The following WIPF1 variants were observed in gnomAD, a reference collection of about 807,000 sequenced individuals.
WIPF1 encodes WAS/WASL interacting protein family member 1, also known as WAS/WASL-interacting protein family member 1.
A neutral mutation model predicts 35.4 loss-of-function variants in WIPF1; 13 were observed. The ratio of observed to expected loss-of-function variants is 0.37; its 90% CI spans 0.24 to 0.58. The LOEUF (loss-of-function observed/expected upper bound fraction) is 0.58. Ranked by LOEUF, WIPF1 falls within the 20% of genes least tolerant of loss-of-function variation. The pLI, the probability that WIPF1 is intolerant of heterozygous loss-of-function variation, is 0.74. For synonymous variants in WIPF1, 267 were observed against 266.3 expected (o/e 1.00, Z -0.02); for missense variants, 591 against 667.0 (o/e 0.89, Z 1.25).
chr2:174,653,081 G>A (rs1398096248), intron 1 of WIPF1, among the ~76,000 whole-genome samples: 1 of 152,160 alleles, frequency 6.6e-6, no homozygotes, highest in African/African-American at 2.4e-5. Context: ...GTCCTTTGGG[G>A]TGGGTATTAC....
rs931950805 is a variant in WIPF1 at position 174,597,603 on chromosome 2, T to A, written c.-41A>T. 1 of 152,584 alleles carries A rather than the reference T, an allele frequency of 6.6e-6. No individual in the cohort carries two copies. Among genetic ancestry groups the A allele is most frequent in the African/African-American group, 2.4e-5 (1 of 41,422 alleles). The allele number at this position is 152,584 out of a possible 1,614,324, so 9.5% of individuals were successfully genotyped here. ...AGTTTGAATATAATTTTTCTTACCG[T>A]TAAAGGGTACTGCAGGGAGCCATGG... On this transcript the variant is annotated splice_region_variant and 5_prime_UTR_variant, in exon 1 of 8. An upstream open reading frame in the 5' UTR loses its in-frame stop. Transcript: ENST00000679041.
chr2:174,608,561 T>A (rs1451379379), intron 1 of WIPF1, among the ~76,000 whole-genome samples: 1 of 152,158 alleles, frequency 6.6e-6, no homozygotes, highest in Non-Finnish European at 1.5e-5. Context: ...ATGCAAACAT[T>A]TCCCAGTTAC....
intron 1 of WIPF1, among the ~76,000 whole-genome samples, chr2:174,610,499 A>G (rs1343846359): frequency 6.6e-6 from 1 of 152,168 alleles, no homozygotes; most frequent in Non-Finnish European, 1.5e-5. Context: ...TAAAAACCAC[A>G]TGTGGTTTAT....
intron 7 of WIPF1, among the ~76,000 whole-genome samples, chr2:174,564,027 C>A (rs1178763450): frequency 6.6e-6 from 1 of 152,150 alleles, no homozygotes; most frequent in Non-Finnish European, 1.5e-5. Context: ...TGACCATCAA[C>A]TGACCCGCCA....
At chr2:174,629,975 A>C (rs888775711) in intron 1 of WIPF1, 3 of 152,232 alleles carry the variant, frequency 2.0e-5, no homozygotes, top group African/African-American at 7.2e-5. Flanking sequence ...CTCTATGTAT[A>C]ATACATGCAT....
At chr2:174,636,258 G>A (rs1574853818) in intron 1 of WIPF1, among the ~76,000 whole-genome samples, 1 of 151,966 alleles carries the variant, frequency 6.6e-6, no homozygotes, top group African/African-American at 2.4e-5. Context: ...CTTAAGCCGT[G>A]TTCTGTGTGG....
At chr2:174,576,150 G>A (rs756516080) in intron 3 of WIPF1, among the ~76,000 whole-genome samples, 1 of 147,230 alleles carries the variant, frequency 6.8e-6, no homozygotes, top group Non-Finnish European at 1.5e-5. Flanking sequence ...TGTAGTCCCA[G>A]CTACTTAAGA....
At chr2:174,647,192 C>T (rs75505957) in intron 1 of WIPF1, among the ~76,000 whole-genome samples, 1 of 151,766 alleles carries the variant, frequency 6.6e-6, no homozygotes, top group Non-Finnish European at 1.5e-5. Context: ...GGCAGCAGAG[C>T]GACATCCTGT....
intron 1 of WIPF1, among the ~76,000 whole-genome samples, chr2:174,628,032 A>T (rs775669490): frequency 1.4e-4 from 21 of 152,160 alleles, no homozygotes; most frequent in Non-Finnish European, 2.9e-4. Context: ...CACTACATCA[A>T]GCACAGAGCG....
rs1684471255 is a variant in WIPF1 at position 174,560,966 on chromosome 2, T to C, written c.*1581A>G. The C allele has an allele frequency of 1.3e-5, 2 of 152,786 alleles. No individual in the cohort carries two copies. The highest frequency in any genetic ancestry group is 2.1e-4 in the South Asian group (1 of 4,832). 9.5% of individuals were successfully genotyped at this position (152,786 alleles called of 1,614,324 possible). A position where few individuals can be genotyped will look rare whatever the true frequency, so the allele number is the denominator to read the frequency against. On this transcript the variant is annotated 3_prime_UTR_variant, in exon 8 of 8. Transcript: ENST00000679041. ...TACAATGTTTAGGTAGATATACATA[T>C]ACATATGTGGTCATGTGTTTTTAAA...
In WIPF1 at chr2:174,677,546, A is replaced by G. The variant is rs530254772; in HGVS notation, c.-39+5228T>C. ...AGAAGGCAGAATCAGCAAATGGAGA[A>G]GAGAACATTTTGGCTCTTGTTAAGA... is the stretch of plus-strand genomic sequence containing the variant. On this transcript the variant is annotated intron_variant, in intron 1 of 8. Coordinates refer to the WIPF1 transcript ENST00000272746. 4.1e-4 allele frequency among the ~76,000 whole-genome samples: 63 copies of G among 152,358 alleles called. No homozygotes were observed. The South Asian group carries it at 8.5e-3, about 21-fold the overall frequency.
intron 1 of WIPF1, chr2:174,676,308 C>T (rs555010468): frequency 1.2e-3 from 169 of 138,046 alleles, no homozygotes; most frequent in African/African-American, 4.3e-3. Flanking sequence ...TCCTTCCTCC[C>T]TCCCTTCTTT....
chr2:174,616,646 T>C (rs1261567410), intron 1 of WIPF1, among the ~76,000 whole-genome samples: 1 of 152,222 alleles, frequency 6.6e-6, no homozygotes, highest in Non-Finnish European at 1.5e-5. Context: ...TTAAAAATAT[T>C]CTTCAAATTA....
intron 3 of WIPF1, among the ~76,000 whole-genome samples, chr2:174,576,447 G>A (rs927101926): frequency 3.3e-5 from 5 of 152,102 alleles, no homozygotes; most frequent in African/African-American, 7.2e-5. Context: ...TGTAGAACAT[G>A]AATGTATTAC....
intron 1 of WIPF1, chr2:174,677,027 C>G (rs1156360887): frequency 6.6e-6 from 1 of 152,028 alleles, no homozygotes; most frequent in Non-Finnish European, 1.5e-5. Flanking sequence ...GTGGTGCACA[C>G]CTGTTATCCG....
rs978182939 is a variant in WIPF1, at chr2:174,622,731, C to T, written c.-38-37120G>A. ...CGCGGTCAGAAATTTTATATGGCAA[C>T]CTGTATTAACTATAAGGAAATTCTT... is the stretch of plus-strand genomic sequence containing the variant. On this transcript the variant is annotated intron_variant, in intron 1 of 8. Transcript: ENST00000272746. This position sits in a 1 kb window ranked among gnomAD's most constrained non-coding sequence, Gnocchi z 5.1. Among the ~76,000 whole-genome samples the T allele has an allele frequency of 9.9e-5, 15 of 152,118 alleles. No homozygotes were observed. Among genetic ancestry groups the T allele is most frequent in the African/African-American group, 3.6e-4 (15 of 41,398 alleles).
At chr2:174,643,052 C>T (rs1385833380) in intron 1 of WIPF1, among the ~76,000 whole-genome samples, 3 of 148,926 alleles carry the variant, frequency 2.0e-5, no homozygotes, top group Non-Finnish European at 4.4e-5. Flanking sequence ...AGGATCATAC[C>T]TTAATTTCTA....
Position 174,663,190 on chromosome 2 carries a change from T to C in WIPF1, c.-39+19584A>G, listed in dbSNP as rs529752282. Among the ~76,000 whole-genome samples, 11 of 152,268 alleles carry C rather than the reference T, an allele frequency of 7.2e-5. No homozygotes were observed. In the South Asian group the frequency reaches 1.2e-3, roughly 17 times the overall value. On this transcript the variant is annotated intron_variant, in intron 1 of 8. Coordinates refer to the WIPF1 transcript ENST00000272746. ...TGAGGCTTTGTGAGCAAGGTGGTGC[T>C]CTAGAAAAAGTCACTTTCCTGACCT...
intron 1 of WIPF1, among the ~76,000 whole-genome samples, chr2:174,637,554 T>G (rs746968267): frequency 2.6e-4 from 39 of 152,132 alleles, no homozygotes; most frequent in Non-Finnish European, 5.1e-4. Flanking sequence ...TTGGGAGGCC[T>G]AGGCGGGTGG....
Sources: allele counts gnomAD v4.1 joint callset (sites outside exome capture counted in the v4.1 genomes callset), GRCh38; gene constraint gnomAD v4.1.1; non-coding constraint Gnocchi (gnomAD v3.1); transcripts MANE v1.5; gene names NCBI Gene and HGNC (gene_info 2026-07-23, HGNC 2026-07-21).